The following CYP4F22 variants were observed in gnomAD, a reference collection of about 807,000 sequenced individuals.
CYP4F22 encodes the protein cytochrome P450 family 4 subfamily F member 22.
In CYP4F22, 37 loss-of-function variants were observed where a neutral mutation model predicts 60.4. The ratio of observed to expected loss-of-function variants is 0.61; its 90% CI spans 0.47 to 0.81. The LOEUF (loss-of-function observed/expected upper bound fraction) is 0.81. CYP4F22 is among the 30% of genes least tolerant of loss of function. The pLI is 0.00. For synonymous variants in CYP4F22, 258 were observed against 280.5 expected, an observed-to-expected ratio of 0.92 and a Z score of 0.80; for missense variants, 655 against 715.0, an observed-to-expected ratio of 0.92 and a Z score of 0.96.
chr19:15,551,230 G>C (rs1302032112), intron 13 of CYP4F22, 64 bp from the exon 14 acceptor site: 8 of 1,568,466 alleles, frequency 5.1e-6, no homozygotes, highest in Non-Finnish European at 6.9e-6. Context: ...AAGGAGGCAT[G>C]TGACCCCCGG....
At chr19:15,541,569 A>C (rs1351700650) in intron 8 of CYP4F22, among the ~76,000 whole-genome samples, 4 of 152,080 alleles carry the variant, frequency 2.6e-5, no homozygotes, top group African/African-American at 9.7e-5. Flanking sequence ...TCAGCTCATC[A>C]CAATTGCAAA....
intron 1 of CYP4F22, among the ~76,000 whole-genome samples, chr19:15,517,551 C>T (rs929818612): frequency 6.6e-6 from 1 of 152,240 alleles, no homozygotes; most frequent in Non-Finnish European, 1.5e-5. Flanking sequence ...AGGGCTGGCA[C>T]CTTCTCTTAT....
chr19:15,551,543 T>G lies in CYP4F22; in HGVS notation c.*72T>G. 6.6e-7 allele frequency: 1 copy of G among 1,509,590 alleles called. No homozygotes were observed. The highest frequency in any genetic ancestry group is 8.9e-7 in the Non-Finnish European group (1 of 1,125,604). 93.5% of individuals were successfully genotyped at this position (1,509,590 alleles called of 1,614,324 possible). On this transcript the variant is annotated 3_prime_UTR_variant, in exon 14 of 14. Coordinates refer to ENST00000269703, the MANE Select transcript of CYP4F22 (RefSeq NM_173483.4). Reference sequence around the variant, plus strand: ...AAAGGACCAGGACTCGCCCCAAAGATCCCGAGGGCATAGGCCACCCCCCTC... The same window carrying G: ...AAAGGACCAGGACTCGCCCCAAAGAGCCCGAGGGCATAGGCCACCCCCCTC...
At chr19:15,544,605 G>A (rs550157392) in intron 10 of CYP4F22, among the ~76,000 whole-genome samples, 1 of 152,272 alleles carries the variant, frequency 6.6e-6, no homozygotes, top group South Asian at 2.1e-4. Flanking sequence ...TACTCTAATT[G>A]CTGTTGGACT....
chr19:15,542,786 T>C (rs889927565), intron 8 of CYP4F22, among the ~76,000 whole-genome samples: 4 of 152,160 alleles, frequency 2.6e-5, no homozygotes, highest in African/African-American at 7.2e-5. Context: ...CTCCCACTTA[T>C]AAGTGGGAAC....
intron 1 of CYP4F22, among the ~76,000 whole-genome samples, chr19:15,510,959 TA>T (rs1971082817): frequency 8.5e-6 from 1 of 117,754 alleles, no homozygotes; most frequent in South Asian, 2.9e-4. Context: ...TATATATATA[TA>T]TATATATTTT....
Position 15,551,669 on chromosome 19 carries a change from TGATCCCGCCCCTTGAGGCTTA to T in CYP4F22, c.*200_*220del. 2 of 672,956 alleles carry T rather than the reference TGATCCCGCCCCTTGAGGCTTA, an allele frequency of 3.0e-6. No individual in the cohort carries two copies. The highest frequency in any genetic ancestry group is 5.0e-6 in the Non-Finnish European group (2 of 403,932). 41.7% of individuals were successfully genotyped at this position (672,956 alleles called of 1,614,324 possible). On this transcript the variant is annotated 3_prime_UTR_variant, in exon 14 of 14. Transcript: ENST00000269703. ...GCAAGGCTCCTCCCCTTAGGGGGCCTGATCCCGCCCCTTGAGGCTTAGGTCCCGCCCCCTGACTTCTCGCAC... is the reference window on the plus strand; with the variant it reads ...GCAAGGCTCCTCCCCTTAGGGGGCCTGGTCCCGCCCCCTGACTTCTCGCAC...
In CYP4F22 at chr19:15,551,848, C is replaced by A; in HGVS notation, c.*377C>A. 3.2e-6 allele frequency: 1 copy of A among 313,368 alleles called. No homozygotes were observed. Among genetic ancestry groups the A allele is most frequent in the Non-Finnish European group, 6.1e-6 (1 of 163,574 alleles). 19.4% of individuals were successfully genotyped at this position (313,368 alleles called of 1,614,324 possible). ...CTCCAGGCCTTGCCCACTGAGCCTT[C>A]AGAGGACCTAAGACCCACCTATGAC... On this transcript the variant is annotated 3_prime_UTR_variant, in exon 14 of 14. Transcript: ENST00000269703.
chr19:15,524,942 G>A (rs1971264671), intron 2 of CYP4F22, among the ~76,000 whole-genome samples: 2 of 152,160 alleles, frequency 1.3e-5, no homozygotes, highest in African/African-American at 2.4e-5. Context: ...GAGTGAGTGT[G>A]GAACCTATAT....
At chr19:15,510,966 A>ATATATATATATAT (rs34055543) in intron 1 of CYP4F22, among the ~76,000 whole-genome samples, 10 of 103,306 alleles carry the variant, frequency 9.7e-5, no homozygotes, top group African/African-American at 3.2e-4. Flanking sequence ...ATATATATAT[A>ATATATATATATAT]TTTTTTTTTT....
intron 1 of CYP4F22, among the ~76,000 whole-genome samples, chr19:15,509,783 C>A (rs113925510): frequency 1.3e-5 from 2 of 152,022 alleles, no homozygotes; most frequent in Non-Finnish European, 2.9e-5. Flanking sequence ...TGGTGTCTGG[C>A]GGTGACCCAG....
chr19:15,542,426 C>T (rs1307222409), intron 8 of CYP4F22, among the ~76,000 whole-genome samples: 1 of 151,912 alleles, frequency 6.6e-6, no homozygotes, highest in African/African-American at 2.4e-5. Flanking sequence ...AATCCCAGCT[C>T]CTCTGGAGGC....
intron 1 of CYP4F22, among the ~76,000 whole-genome samples, chr19:15,522,007 T>A (rs1971231832): frequency 6.6e-6 from 1 of 151,914 alleles, no homozygotes. Context: ...TAGCCCAGCA[T>A]GGTGGCGGGT....
intron 4 of CYP4F22, among the ~76,000 whole-genome samples, chr19:15,533,925 G>T (rs1022477472): frequency 1.3e-5 from 2 of 151,906 alleles, no homozygotes; most frequent in Non-Finnish European, 2.9e-5. Context: ...TTCAAGTTTT[G>T]GGGTGGACAT....
At position 15,540,624 on chromosome 19, in the gene CYP4F22, G is replaced by A. The variant is rs200761933; in HGVS notation, c.846G>A (p.Arg282=). 3.8e-5 allele frequency: 61 copies of A among 1,614,254 alleles called. No homozygotes were observed. The African/African-American group carries it at 4.4e-4, about 12-fold the overall frequency. ...TCACCACTGAAGTCATCCAGGAACG[G>A]CGGCGGGCACTGCGTCAGCAGGGGG... ...HHFTTEVIQE[R]RRALRQQGAE... is the part of the protein sequence containing the mutation. The change falls in exon 8 of 14, where the codon CGG becomes CGA. Residue 282 remains arginine (R), a synonymous_variant. Coordinates refer to ENST00000269703, the MANE Select transcript of CYP4F22 (RefSeq NM_173483.4).
Position 15,543,972 on chromosome 19 carries a change from A to T in CYP4F22, c.941A>T (p.Asp314Val). The T allele has an allele frequency of 6.2e-7, 1 of 1,613,902 alleles. No individual in the cohort carries two copies. Among genetic ancestry groups the T allele is most frequent in the Non-Finnish European group, 8.5e-7 (1 of 1,179,998 alleles). The change falls in exon 9 of 14, where the codon GAT (aspartate) becomes GTT (valine). Residue 314 changes from aspartate to valine, a missense_variant and splice_region_variant. This residue lies in a region of CYP4F22 where 430 missense variants were observed against 457.1 expected (regional missense o/e 0.94). Coordinates refer to ENST00000269703, the MANE Select transcript of CYP4F22 (RefSeq NM_173483.4). Reference sequence around the variant, plus strand: ...AGCACCCTCTACTGCCCATTCCAGGATGAAGATGGAAAGGAACTGTCAGAC... The same window carrying T: ...AGCACCCTCTACTGCCCATTCCAGGTTGAAGATGGAAAGGAACTGTCAGAC... Reference protein sequence around the residue: ...DFIDVLLLARDEDGKELSDED... With the variant: ...DFIDVLLLARVEDGKELSDED...
intron 7 of CYP4F22, among the ~76,000 whole-genome samples, chr19:15,538,789 C>T (rs1458520728): frequency 6.6e-6 from 1 of 152,164 alleles, no homozygotes; most frequent in Non-Finnish European, 1.5e-5. Context: ...GAAATATTTA[C>T]TGAGTGCCTA....
At chr19:15,538,094 G>C in intron 7 of CYP4F22, 101 bp downstream of exon 7, 1 of 1,537,740 alleles carries the variant, frequency 6.5e-7, no homozygotes, top group Non-Finnish European at 8.9e-7. Context: ...TCTGGCCTAT[G>C]GGAGCTCTGC....
rs143832921 is a variant in CYP4F22, at chr19:15,519,560, G to C, written c.-108-4133G>C. Among the ~76,000 whole-genome samples, 61 of 152,318 alleles carry C rather than the reference G, an allele frequency of 4.0e-4. No homozygotes were observed. The Middle Eastern group carries it at 0.01, about 25-fold the overall frequency. ...TTACAGATGTGAGCCACTGTGCTCA[G>C]CCAGAGGAGGGGACTTTTTGAGGCT... is the stretch of plus-strand genomic sequence containing the variant. On this transcript the variant is annotated intron_variant, in intron 1 of 13. Coordinates refer to ENST00000269703, the MANE Select transcript of CYP4F22 (RefSeq NM_173483.4).
Sources: allele counts gnomAD v4.1 joint callset (sites outside exome capture counted in the v4.1 genomes callset), GRCh38; gene constraint gnomAD v4.1.1; regional missense constraint gnomAD v4.1.1; transcripts MANE v1.5; gene names NCBI Gene and HGNC (gene_info 2026-07-23, HGNC 2026-07-21).